Variants in FAM227B observed in about 807,000 individuals in gnomAD.
FAM227B encodes the protein protein FAM227B.
A neutral mutation model predicts 73.8 loss-of-function variants in FAM227B; 88 were observed. The ratio of observed to expected loss-of-function variants is 1.19; its 90% CI spans 1.00 to 1.42. The LOEUF (loss-of-function observed/expected upper bound fraction) is 1.42, where lower values mean the gene tolerates loss of function less well. Ranked by LOEUF, FAM227B falls within the 40% of genes most tolerant of loss-of-function variation. The pLI, the probability that FAM227B is intolerant of heterozygous loss-of-function variation, is 0.00. For missense variants in FAM227B, 632 were observed against 590.9 expected, an observed-to-expected ratio of 1.07 and a Z score of -0.72; for synonymous variants, 210 against 190.5, an observed-to-expected ratio of 1.10 and a Z score of -0.84.
At chr15:49,350,996 C>T (rs1246325631) in intron 13 of FAM227B, among the ~76,000 whole-genome samples, 4 of 152,216 alleles carry the variant, frequency 2.6e-5, no homozygotes, top group Non-Finnish European at 4.4e-5. Flanking sequence ...ATATGCTACA[C>T]AGTTCTTAGA....
intron 13 of FAM227B, among the ~76,000 whole-genome samples, chr15:49,355,741 A>G (rs1165863154): frequency 1.1e-3 from 170 of 151,318 alleles, no homozygotes; most frequent in African/African-American, 3.8e-3. Flanking sequence ...TACAGAGAAC[A>G]CCACAAAGAT....
At chr15:49,515,489 G>A (rs904975706) in intron 10 of FAM227B, among the ~76,000 whole-genome samples, 1 of 152,056 alleles carries the variant, frequency 6.6e-6, no homozygotes, top group African/African-American at 2.4e-5. Context: ...GCTTGACAGT[G>A]TTTTCTTTTT....
intron 13 of FAM227B, among the ~76,000 whole-genome samples, chr15:49,354,310 A>G (rs1462191167): frequency 2.6e-5 from 4 of 152,158 alleles, no homozygotes; most frequent in Admixed American, 2.0e-4. Flanking sequence ...AAGACGGGTG[A>G]TTTCTGCATT....
intron 11 of FAM227B, among the ~76,000 whole-genome samples, chr15:49,470,328 T>G (rs753213019): frequency 5.3e-5 from 8 of 152,174 alleles, no homozygotes; most frequent in Non-Finnish European, 1.0e-4. Context: ...AAGTCAGATA[T>G]GAAATTTTTT....
chr15:49,366,058 C>A, intron 13 of FAM227B: 2 of 810,764 alleles, frequency 2.5e-6, no homozygotes, highest in Non-Finnish European at 4.4e-6. Context: ...CTTTTTTTTC[C>A]CTCATTTATC....
At chr15:49,353,648 T>C (rs1163102802) in intron 13 of FAM227B, 1 of 141,596 alleles carries the variant, frequency 7.1e-6, no homozygotes, top group African/African-American at 2.7e-5. Flanking sequence ...TCATAAATAA[T>C]AGAACAAACT....
intron 11 of FAM227B, chr15:49,485,005 G>C (rs867465970): frequency 6.6e-6 from 1 of 151,954 alleles, no homozygotes; most frequent in African/African-American, 2.4e-5. Flanking sequence ...ATGCTTTCTA[G>C]TGAAAAATTA....
intron 11 of FAM227B, among the ~76,000 whole-genome samples, chr15:49,397,392 G>A (rs1007253156): frequency 6.6e-6 from 1 of 152,124 alleles, no homozygotes; most frequent in African/African-American, 2.4e-5. Flanking sequence ...TGAAAGTGAT[G>A]GGGAGAATGG....
At position 49,618,430 on chromosome 15, in the gene FAM227B, T is replaced by C. The variant is rs534495729; in HGVS notation, c.-73+2270A>G. On this transcript the variant is annotated intron_variant, in intron 1 of 15. Coordinates refer to ENST00000299338, the MANE Select transcript of FAM227B (RefSeq NM_152647.3). ...CTGTGATGCTTTAGCAGTTTGCCAG[T>C]GTTTGAGAACAGATAAATAATACAT... Among the ~76,000 whole-genome samples the C allele has an allele frequency of 8.8e-4, 134 of 152,346 alleles. 5 individuals carry two copies. In the South Asian group the frequency reaches 0.026, roughly 30 times the overall value.
chr15:49,433,214 G>A (rs1343991429), intron 11 of FAM227B, among the ~76,000 whole-genome samples: 1 of 151,504 alleles, frequency 6.6e-6, no homozygotes, highest in Non-Finnish European at 1.5e-5. Flanking sequence ...CTCTTTCTGT[G>A]CCCCAATTGC....
At chr15:49,400,814 C>T (rs2048083088) in intron 11 of FAM227B, among the ~76,000 whole-genome samples, 1 of 150,730 alleles carries the variant, frequency 6.6e-6, no homozygotes, top group African/African-American at 2.5e-5. Flanking sequence ...AAAGCTGAAA[C>T]TTGATCCCTT....
intron 13 of FAM227B, among the ~76,000 whole-genome samples, chr15:49,352,014 T>C (rs2042325660): frequency 6.6e-6 from 1 of 152,218 alleles, no homozygotes; most frequent in Admixed American, 6.5e-5. Context: ...GAGTCTATCA[T>C]GTAGTTGAGG....
In FAM227B at chr15:49,571,023, A is replaced by T. The variant is rs1188111000; in HGVS notation, c.646-2677T>A. On this transcript the variant is annotated intron_variant, in intron 8 of 15. Transcript: ENST00000299338. ...CTTTCATATCTCGGTTATTGCAATT[A>T]ATGCTAAAATGAACATGAAAATGCA... 2.0e-5 allele frequency among the ~76,000 whole-genome samples: 3 copies of T among 151,004 alleles called. No homozygotes were observed. In the East Asian group the frequency reaches 5.8e-4, roughly 29 times the overall value.
At chr15:49,370,534 A>C (rs2045738521) in intron 12 of FAM227B, among the ~76,000 whole-genome samples, 1 of 152,208 alleles carries the variant, frequency 6.6e-6, no homozygotes, top group East Asian at 1.9e-4. Context: ...GGTCAGAATA[A>C]AGTAGGAAGA....
chr15:49,614,898 G>C (rs1485838612), intron 2 of FAM227B: 24 of 519,668 alleles, frequency 4.6e-5, no homozygotes, highest in Non-Finnish European at 8.0e-5. Context: ...ATGGATTTGA[G>C]ACTGATCTCC....
At chr15:49,503,050 C>A (rs1440441692) in intron 11 of FAM227B, among the ~76,000 whole-genome samples, 1 of 152,022 alleles carries the variant, frequency 6.6e-6, no homozygotes, top group Non-Finnish European at 1.5e-5. Context: ...GTAACCAAAA[C>A]AGCATGGTCC....
At chr15:49,546,635 T>C (rs1256197687) in intron 9 of FAM227B, among the ~76,000 whole-genome samples, 2 of 152,230 alleles carry the variant, frequency 1.3e-5, no homozygotes, top group Admixed American at 1.3e-4. Context: ...TTCCTAACTT[T>C]TTAATGATCG....
chr15:49,504,927 C>T (rs557525329), intron 11 of FAM227B, among the ~76,000 whole-genome samples: 1 of 152,020 alleles, frequency 6.6e-6, no homozygotes, highest in African/African-American at 2.4e-5. Flanking sequence ...ATCCTATATC[C>T]GAACAAATAC....
intron 9 of FAM227B, among the ~76,000 whole-genome samples, chr15:49,554,300 C>T (rs1356608232): frequency 1.3e-5 from 2 of 152,158 alleles, no homozygotes; most frequent in Admixed American, 6.5e-5. Context: ...TTGGCTGCCC[C>T]TACTGATGTG....
Sources: gnomAD v4.1 joint callset for allele counts (sites outside exome capture counted in the v4.1 genomes callset) on GRCh38, gnomAD v4.1.1 for gene constraint, MANE v1.5 for transcripts, NCBI Gene and HGNC (gene_info 2026-07-23, HGNC 2026-07-21) for gene names.